Variants in BMP5 observed in about 807,000 individuals in gnomAD.
The protein encoded by BMP5 is bone morphogenetic protein 5.
In BMP5, 23 loss-of-function variants were observed where a neutral mutation model predicts 46.6. The observed-to-expected ratio is 0.49, with a 90% CI of 0.35 to 0.70. The LOEUF (loss-of-function observed/expected upper bound fraction) is 0.70, where lower values mean the gene tolerates loss of function less well. BMP5 is among the 30% of genes least tolerant of loss of function. The pLI is 0.00. For synonymous variants in BMP5, 204 were observed against 191.9 expected, an observed-to-expected ratio of 1.06 and a Z score of -0.52; for missense variants, 545 against 565.6, an observed-to-expected ratio of 0.96 and a Z score of 0.37.
At chr6:55,764,571 C>CAAAAAAAAAAAAAAAAAGAAA (rs57293392) in intron 4 of BMP5, among the ~76,000 whole-genome samples, 1 of 110,154 alleles carries the variant, frequency 9.1e-6, no homozygotes. Flanking sequence ...GACTCTGTCT[C>CAAAAAAAAAAAAAAAAAGAAA]AAAAAAAAAA....
At chr6:55,801,510 C>T (rs1473270078) in intron 2 of BMP5, among the ~76,000 whole-genome samples, 1 of 152,166 alleles carries the variant, frequency 6.6e-6, no homozygotes, top group African/African-American at 2.4e-5. Flanking sequence ...GTCCTTGTTT[C>T]CCCCAATGCA....
At chr6:55,778,046 G>A (rs954026175) in intron 3 of BMP5, among the ~76,000 whole-genome samples, 5 of 152,038 alleles carry the variant, frequency 3.3e-5, no homozygotes, top group Admixed American at 3.3e-4. Context: ...AGTAGTACCA[G>A]CTCAAAGCTG....
Position 55,758,990 on chromosome 6 carries a change from A to G in BMP5, c.1215+15T>C. 6.5e-7 allele frequency: 1 copy of G among 1,545,302 alleles called. No homozygotes were observed. Among genetic ancestry groups the G allele is most frequent in the Non-Finnish European group, 8.9e-7 (1 of 1,117,982 alleles). On this transcript the variant is annotated intron_variant, in intron 6 of 6. Coordinates refer to ENST00000370830, the MANE Select transcript of BMP5 (RefSeq NM_021073.4). ...CATTCTAAGCTTTTCTTAATCCTTCAAAAACAAAGCTTACCAGAGTCTGAA... is the reference window on the plus strand; with the variant it reads ...CATTCTAAGCTTTTCTTAATCCTTCGAAAACAAAGCTTACCAGAGTCTGAA...
chr6:55,859,722 A>G (rs918315686), intron 1 of BMP5, among the ~76,000 whole-genome samples: 4 of 152,236 alleles, frequency 2.6e-5, no homozygotes, highest in Non-Finnish European at 5.9e-5. Flanking sequence ...AACAAATTAA[A>G]GTATCATAAC....
chr6:55,820,780 AC>A, intron 1 of BMP5, among the ~76,000 whole-genome samples: 1 of 152,070 alleles, frequency 6.6e-6, no homozygotes, highest in Admixed American at 6.6e-5. Flanking sequence ...ATAAATTCTT[AC>A]CCCTGGTCCA....
chr6:55,835,717 A>G (rs181400967), intron 1 of BMP5, among the ~76,000 whole-genome samples: 66 of 152,250 alleles, frequency 4.3e-4, no homozygotes, highest in Non-Finnish European at 7.1e-4. Context: ...TCCTTTCTGA[A>G]ATGCCAACTA....
chr6:55,772,526 A>G (rs1434673058), intron 4 of BMP5, among the ~76,000 whole-genome samples: 1 of 151,986 alleles, frequency 6.6e-6, no homozygotes, highest in Non-Finnish European at 1.5e-5. Flanking sequence ...ACCATTCTAC[A>G]TGAAAAGAAA....
At chr6:55,799,751 G>C in intron 2 of BMP5, among the ~76,000 whole-genome samples, 1 of 152,098 alleles carries the variant, frequency 6.6e-6, no homozygotes, top group Non-Finnish European at 1.5e-5. Flanking sequence ...GATGGTGTGG[G>C]AATCCACCAT....
chr6:55,759,750 T>A (rs1263682520), intron 5 of BMP5, among the ~76,000 whole-genome samples: 1 of 151,950 alleles, frequency 6.6e-6, no homozygotes, highest in African/African-American at 2.4e-5. Context: ...GGTACATGAA[T>A]GGTTGCCTTG....
At chr6:55,845,001 G>A (rs369917461) in intron 1 of BMP5, among the ~76,000 whole-genome samples, 4 of 151,816 alleles carry the variant, frequency 2.6e-5, no homozygotes, top group African/African-American at 4.8e-5. Context: ...CACCATGTAC[G>A]TGACTATCAG....
chr6:55,779,161 C>A (rs1318601197), intron 3 of BMP5, among the ~76,000 whole-genome samples: 3 of 152,050 alleles, frequency 2.0e-5, no homozygotes, highest in East Asian at 3.9e-4. Context: ...CAAATATGAT[C>A]ATTGAGTTTC....
intron 2 of BMP5, among the ~76,000 whole-genome samples, chr6:55,807,579 AAAGG>A (rs985915515): frequency 6.6e-6 from 1 of 152,106 alleles, no homozygotes; most frequent in Admixed American, 6.6e-5. Flanking sequence ...TGGCCCCATA[AAAGG>A]AAGGAAGGAC....
chr6:55,865,535 A>G, intron 1 of BMP5: 1 of 388,036 alleles, frequency 2.6e-6, no homozygotes, highest in South Asian at 1.9e-5. Flanking sequence ...AAAGCACTCT[A>G]GTGGGGGAAC....
chr6:55,848,710 T>C (rs1414558861), intron 1 of BMP5, among the ~76,000 whole-genome samples: 1 of 151,964 alleles, frequency 6.6e-6, no homozygotes. Context: ...TCAGTCTCTA[T>C]GTGATCTTTA....
intron 4 of BMP5, among the ~76,000 whole-genome samples, chr6:55,770,146 T>C (rs1775014116): frequency 6.6e-6 from 1 of 151,918 alleles, no homozygotes; most frequent in Non-Finnish European, 1.5e-5. Flanking sequence ...AGCCAGCCAT[T>C]GACTCTTCTC....
chr6:55,762,395 A>G (rs1225316170), intron 4 of BMP5, among the ~76,000 whole-genome samples: 1 of 152,136 alleles, frequency 6.6e-6, no homozygotes, highest in Non-Finnish European at 1.5e-5. Context: ...TCAAGTAATT[A>G]TTTGTTTAAT....
At chr6:55,788,897 C>T (rs557830946) in intron 3 of BMP5, among the ~76,000 whole-genome samples, 7 of 151,880 alleles carry the variant, frequency 4.6e-5, no homozygotes, top group African/African-American at 1.7e-4. Context: ...CTTTATTTTA[C>T]ATTTAAGTAT....
rs954952781 is a variant in BMP5 at position 55,755,432 on chromosome 6, G to C, written c.*101C>G. 1.7e-6 allele frequency: 2 copies of C among 1,166,304 alleles called. No homozygotes were observed. Among genetic ancestry groups the C allele is most frequent in the Non-Finnish European group, 2.5e-6 (2 of 801,218 alleles). 72.2% of individuals were successfully genotyped at this position (1,166,304 alleles called of 1,614,324 possible). A position where few individuals can be genotyped will look rare whatever the true frequency, so the allele number is the denominator to read the frequency against. ...ATAGGAAAAGAGTCAAAATGAGCCA[G>C]ACTAATTTTAGGAAATTCCCCGTTT... On this transcript the variant is annotated 3_prime_UTR_variant, in exon 7 of 7. Transcript: ENST00000370830.
At chr6:55,762,107 T>TAA (rs1189406510) in intron 4 of BMP5, among the ~76,000 whole-genome samples, 4 of 152,108 alleles carry the variant, frequency 2.6e-5, no homozygotes, top group Admixed American at 2.6e-4. Context: ...TGGAATAAAG[T>TAA]AAAATACTGA....
Sources: gnomAD v4.1 joint callset for allele counts (sites outside exome capture counted in the v4.1 genomes callset) on GRCh38, gnomAD v4.1.1 for gene constraint, MANE v1.5 for transcripts, NCBI Gene and HGNC (gene_info 2026-07-23, HGNC 2026-07-21) for gene names.